LRRIQ1: variants seen among roughly 807,000 people sequenced by gnomAD.
LRRIQ1 encodes the protein leucine-rich repeat- and IQ domain-containing protein 1.
In LRRIQ1, 210 loss-of-function variants were observed where a neutral mutation model predicts 211.9. The ratio of observed to expected loss-of-function variants is 0.99; its 90% CI spans 0.89 to 1.11. The LOEUF (loss-of-function observed/expected upper bound fraction) is 1.11. Among genes scored for constraint, LRRIQ1 ranks in the 50% most tolerant of loss-of-function variants. The probability of loss-of-function intolerance (pLI) is 0.00; values close to 1 mark genes in which losing one functional copy is unlikely to be tolerated. For missense variants in LRRIQ1, 2,136 were observed against 1,939.5 expected (o/e 1.10, Z -1.90); for synonymous variants, 699 against 650.1 (o/e 1.08, Z -1.14).
intron 24 of LRRIQ1, among the ~76,000 whole-genome samples, chr12:85,217,490 ATGTATATATATATATATATGTGTGTGTG>A (rs1420918023): frequency 4.8e-5 from 4 of 84,080 alleles, no homozygotes; most frequent in African/African-American, 8.2e-5. Context: ...ATATATATAT[ATGTATATATATATATATATGTGTGTGTG>A]TGTGTGTGTG....
chr12:85,264,559 T>C (rs370282163), downstream of LRRIQ1: 2 of 152,114 alleles, frequency 1.3e-5, no homozygotes, highest in African/African-American at 4.8e-5. Context: ...CTTATCATTT[T>C]GTAGCACTAC....
intron 24 of LRRIQ1, among the ~76,000 whole-genome samples, chr12:85,197,693 G>C (rs1893000948): frequency 6.6e-6 from 1 of 151,726 alleles, no homozygotes; most frequent in South Asian, 2.1e-4. Flanking sequence ...TGGTGGGAGT[G>C]GGGAGGGATA....
Position 85,056,295 on chromosome 12 carries a change from G to T in LRRIQ1, c.1502G>T (p.Arg501Ile). 1 of 1,586,788 alleles carries T rather than the reference G, an allele frequency of 6.3e-7. No homozygotes were observed. Among genetic ancestry groups the T allele is most frequent in the Non-Finnish European group, 8.5e-7 (1 of 1,172,856 alleles). Residue 501 changes from arginine to isoleucine, a missense_variant, in exon 8 of 27, where the codon AGA becomes ATA. Arg to Ile is a moderately conservative substitution (Grantham distance 97, BLOSUM62 -3). Transcript: ENST00000393217. ...RCSEELVKQE[R>I]KYENTDNKTE... is the part of the protein sequence containing the mutation. ...TCAGAAGAATTGGTCAAGCAAGAAA[G>T]AAAATATGAAAATACAGATAACAAA...
chr12:85,193,565 C>T (rs1423664799), intron 24 of LRRIQ1, among the ~76,000 whole-genome samples: 10 of 146,650 alleles, frequency 6.8e-5, no homozygotes, highest in Non-Finnish European at 1.1e-4. Context: ...TCATATCCAG[C>T]CAAACTAAGC....
At chr12:85,216,740 G>A (rs1192363281) in intron 24 of LRRIQ1, among the ~76,000 whole-genome samples, 2 of 151,774 alleles carry the variant, frequency 1.3e-5, no homozygotes, top group African/African-American at 2.4e-5. Flanking sequence ...AGTAGACAAG[G>A]ACTGCTTTTA....
chr12:85,113,908 TG>T (rs1391784679), intron 15 of LRRIQ1, among the ~76,000 whole-genome samples: 15 of 18,132 alleles, frequency 8.3e-4, no homozygotes, highest in African/African-American at 1.8e-3. Flanking sequence ...AAATGAGTTT[TG>T]TGTGTGTGTG....
chr12:85,147,955 G>T (rs1361478945), intron 19 of LRRIQ1, among the ~76,000 whole-genome samples: 1 of 151,666 alleles, frequency 6.6e-6, no homozygotes, highest in African/African-American at 2.4e-5. Context: ...GTACCTGATT[G>T]CTGTATCAGA....
At chr12:85,268,996 T>G (rs187803126), downstream of LRRIQ1, among the ~76,000 whole-genome samples, 215 of 152,056 alleles carry the variant, frequency 1.4e-3, 1 homozygote, top group Non-Finnish European at 2.7e-3. Context: ...TGTTTCCAGA[T>G]TCTATTTAAC....
Position 85,127,885 on chromosome 12 carries a change from AGACT to A in LRRIQ1, c.4062_4065del (p.Gln1354HisfsTer26). On this transcript the variant is annotated frameshift_variant, in exon 18 of 27. Transcript: ENST00000393217. LOFTEE classifies it high-confidence loss of function. ...TGGCGTGGTTACCTCATGCGCAGAC[AGACT>A]CATTTCTCCACAAGGCTACATACTG... 6.2e-7 allele frequency: 1 copy of A among 1,614,100 alleles called. No homozygotes were observed. Among genetic ancestry groups the A allele is most frequent in the Non-Finnish European group, 8.5e-7 (1 of 1,180,020 alleles).
chr12:85,086,093 C>T (rs1171097853), intron 11 of LRRIQ1, among the ~76,000 whole-genome samples: 1 of 152,136 alleles, frequency 6.6e-6, no homozygotes, highest in Non-Finnish European at 1.5e-5. Context: ...TCTCCAACAT[C>T]TGTTATTTTT....
At chr12:85,227,660 G>A (rs1894728760) in intron 24 of LRRIQ1, among the ~76,000 whole-genome samples, 1 of 152,010 alleles carries the variant, frequency 6.6e-6, no homozygotes, top group South Asian at 2.1e-4. Flanking sequence ...TCACAGAAAT[G>A]GAAAAACCTA....
chr12:85,060,923 A>C (rs1296673756), intron 8 of LRRIQ1, among the ~76,000 whole-genome samples: 1 of 151,882 alleles, frequency 6.6e-6, no homozygotes, highest in Non-Finnish European at 1.5e-5. Context: ...GGGAAAATAC[A>C]GATGATTAAG....
chr12:85,137,764 T>C, intron 18 of LRRIQ1, 86 bp from the exon 19 acceptor site: 2 of 1,162,978 alleles, frequency 1.7e-6, no homozygotes, highest in Non-Finnish European at 2.3e-6. Flanking sequence ...TCTAAGATGT[T>C]TTATCTTCCT....
chr12:85,270,040 GACCCC>G, the LRRIQ1 span, among the ~76,000 whole-genome samples: 1 of 151,772 alleles, frequency 6.6e-6, no homozygotes, highest in African/African-American at 2.4e-5. Context: ...CCATCATGAG[GACCCC>G]ACCTTCATGA....
chr12:85,047,188 A>T, intron 5 of LRRIQ1, 59 bp from the exon 6 acceptor site: 1 of 1,264,832 alleles, frequency 7.9e-7, no homozygotes, highest in Non-Finnish European at 1.1e-6. Flanking sequence ...TATACTTTGA[A>T]TTAGTTTTGA....
intron 26 of LRRIQ1, among the ~76,000 whole-genome samples, chr12:85,233,618 A>G (rs1036366512): frequency 1.3e-5 from 2 of 152,214 alleles, no homozygotes; most frequent in African/African-American, 4.8e-5. Context: ...CATCATTTTC[A>G]TGAACAACTC....
chr12:85,094,062 C>A (rs1885647972), intron 11 of LRRIQ1, among the ~76,000 whole-genome samples: 1 of 152,170 alleles, frequency 6.6e-6, no homozygotes, highest in South Asian at 2.1e-4. Flanking sequence ...AATCTCCATA[C>A]ATTCTGAATT....
In LRRIQ1 at chr12:85,047,152, TA is replaced by T. The variant is rs543465977; in HGVS notation, c.455-86del. On this transcript the variant is annotated intron_variant, in intron 5 of 26. Transcript: ENST00000393217. ...TGTACCCTAGAACTTAAAGTAAAAT[TA>T]AAAAAAAATTAAAAAAATTACTTTT... 1,738 of 863,590 alleles carry T rather than the reference TA, an allele frequency of 2.0e-3. 2 individuals carry two copies. Among genetic ancestry groups the T allele is most frequent in the Non-Finnish European group, 2.6e-3 (1,517 of 588,374 alleles). 53.5% of individuals were successfully genotyped at this position (863,590 alleles called of 1,614,324 possible).
intron 24 of LRRIQ1, chr12:85,162,733 G>T (rs1453598389): frequency 3.7e-5 from 17 of 455,806 alleles, no homozygotes; most frequent in African/African-American, 8.0e-5. Context: ...ACGATGTGAT[G>T]TTCTATGATT....
Sources: allele counts gnomAD v4.1 joint callset (sites outside exome capture counted in the v4.1 genomes callset), GRCh38; gene constraint gnomAD v4.1.1; transcripts MANE v1.5; gene names NCBI Gene and HGNC (gene_info 2026-07-23, HGNC 2026-07-21).